MACF1: variants seen among roughly 807,000 people sequenced by gnomAD.
MACF1 encodes microtubule actin crosslinking factor 1.
A neutral mutation model predicts 854.8 loss-of-function variants in MACF1; 193 were observed. The ratio of observed to expected loss-of-function variants is 0.23; its 90% CI spans 0.20 to 0.25. The LOEUF (loss-of-function observed/expected upper bound fraction) is 0.25. Among genes scored for constraint, MACF1 ranks in the 10% least tolerant of loss-of-function variants. The pLI is 1.00. For missense variants in MACF1, 7,722 were observed against 8,929.1 expected (o/e 0.86, Z 5.45); for synonymous variants, 3,185 against 3,226.7 (o/e 0.99, Z 0.44).
intron 6 of MACF1, among the ~76,000 whole-genome samples, chr1:39,265,772 A>T (rs1304715864): frequency 6.6e-6 from 1 of 152,216 alleles, no homozygotes; most frequent in East Asian, 1.9e-4. Context: ...GACCATCTAT[A>T]TCTTAGGATC....
intron 2 of MACF1, among the ~76,000 whole-genome samples, chr1:39,139,527 C>T (rs777806671): frequency 3.9e-5 from 6 of 152,004 alleles, no homozygotes; most frequent in Non-Finnish European, 8.8e-5. Context: ...AAATTTGCCA[C>T]TATTCTTTAT....
At chr1:39,190,901 G>C (rs1346977917) in intron 2 of MACF1, among the ~76,000 whole-genome samples, 1 of 152,124 alleles carries the variant, frequency 6.6e-6, no homozygotes, top group Non-Finnish European at 1.5e-5. Context: ...GCTGAGGCAC[G>C]AGAATCGCTT....
intron 90 of MACF1, 158 bp from the exon 91 acceptor site, chr1:39,458,928 T>G: frequency 1.5e-6 from 1 of 655,724 alleles, no homozygotes; most frequent in South Asian, 2.1e-5. Context: ...ACTTTTGGAA[T>G]TAGTACACCT....
intron 3 of MACF1, 48 bp from the exon 4 acceptor site, chr1:39,251,798 G>C: frequency 9.2e-7 from 1 of 1,085,384 alleles, no homozygotes; most frequent in Non-Finnish European, 1.2e-6. Context: ...TTTTTATTGT[G>C]AATTTCTTGT....
In MACF1 at chr1:39,460,910, C is replaced by T; in HGVS notation, c.21523+116C>T. ...AAGCTGGCCAGGAGCTTGGCTCACA[C>T]CTGTAATTCCAGCACTTTGGGAGGC... is the stretch of plus-strand genomic sequence containing the variant. On this transcript the variant is annotated intron_variant, in intron 92 of 100. Coordinates refer to ENST00000564288, the MANE Select transcript of MACF1 (RefSeq NM_001394062.1). This position sits in a 1 kb window ranked among gnomAD's most constrained non-coding sequence, Gnocchi z 4.1. 8.4e-7 allele frequency: 1 copy of T among 1,191,218 alleles called. No individual in the cohort carries two copies. Among genetic ancestry groups the T allele is most frequent in the Non-Finnish European group, 1.2e-6 (1 of 828,878 alleles). The allele number at this position is 1,191,218 out of a possible 1,614,324, so 73.8% of individuals were successfully genotyped here. A position where few individuals can be genotyped will look rare whatever the true frequency, so the allele number is the denominator to read the frequency against.
chr1:39,477,094 C>CTTAGTGTGTATATATATATATATAT (rs1557675129), intron 97 of MACF1, among the ~76,000 whole-genome samples: 4 of 78,816 alleles, frequency 5.1e-5, no homozygotes, highest in African/African-American at 2.7e-4. Context: ...TATATATACA[C>CTTAGTGTGTATATATATATATATAT]ACACACACAT....
At chr1:39,444,610 G>A (rs1557658471) in intron 79 of MACF1, 52 bp from the exon 80 acceptor site, 2 of 1,507,258 alleles carry the variant, frequency 1.3e-6, no homozygotes, top group Non-Finnish European at 9.1e-7. Context: ...CTATATGTAG[G>A]TGTCTTCCAG....
At chr1:39,315,392 C>A in intron 26 of MACF1, 121 bp from the exon 27 acceptor site, 1 of 749,600 alleles carries the variant, frequency 1.3e-6, no homozygotes, top group Non-Finnish European at 2.2e-6. Context: ...TTTATTCAAC[C>A]AGCCTCCTAT....
chr1:39,469,961 A>G (rs1283551507), intron 97 of MACF1, among the ~76,000 whole-genome samples: 1 of 152,238 alleles, frequency 6.6e-6, no homozygotes, highest in Non-Finnish European at 1.5e-5. Context: ...TAGAAAACGT[A>G]AATAATTTGC....
In MACF1 at chr1:39,484,521, T is replaced by C. The variant is rs1350359266; in HGVS notation, c.22282-80T>C. 15 of 1,275,240 alleles carry C rather than the reference T, an allele frequency of 1.2e-5. No individual in the cohort carries two copies. The East Asian group carries it at 3.2e-4, about 28-fold the overall frequency. 79.0% of individuals were successfully genotyped at this position (1,275,240 alleles called of 1,614,324 possible). On this transcript the variant is annotated intron_variant, in intron 99 of 100. Coordinates refer to ENST00000564288, the MANE Select transcript of MACF1 (RefSeq NM_001394062.1). The stretch of plus-strand genomic sequence containing the variant: ...TTTCAACTAAGCAAATATAAGGAGG[T>C]GTAAGGAGACCTTTTAAAGTTGAAT...
intron 2 of MACF1, among the ~76,000 whole-genome samples, chr1:39,246,354 C>T (rs981731980): frequency 3.3e-5 from 5 of 152,198 alleles, no homozygotes; most frequent in South Asian, 2.1e-4. Context: ...TTTGTAACTT[C>T]TTTGCTGCCA....
chr1:39,116,386 ATGTGTGTGTGTGTGTGTGCACGTG>A (rs1557463177), intron 2 of MACF1, among the ~76,000 whole-genome samples: 1 of 150,286 alleles, frequency 6.7e-6, no homozygotes, highest in Non-Finnish European at 1.5e-5. Context: ...GTGAGTGTGT[ATGTGTGTGTGTGTGTGTGCACGTG>A]TGTGTGTGTA....
At chr1:39,344,086 G>A (rs1473100849) in intron 40 of MACF1, among the ~76,000 whole-genome samples, 3 of 149,562 alleles carry the variant, frequency 2.0e-5, no homozygotes, top group African/African-American at 7.4e-5. Flanking sequence ...TTGCACTCCA[G>A]CCTGGGCAAC....
intron 2 of MACF1, among the ~76,000 whole-genome samples, chr1:39,147,364 C>T (rs1242728413): frequency 1.4e-5 from 2 of 145,682 alleles, no homozygotes; most frequent in African/African-American, 5.1e-5. Flanking sequence ...TTTTCCTTCT[C>T]TTTTCTCTTT....
chr1:39,311,684 A>G (rs2148437224), intron 26 of MACF1, among the ~76,000 whole-genome samples: 1 of 152,358 alleles, frequency 6.6e-6, no homozygotes, highest in African/African-American at 2.4e-5. Context: ...GTGAAAGGAA[A>G]ATAAAAAGTC....
chr1:39,448,201 G>A, intron 83 of MACF1, 49 bp downstream of exon 83: 2 of 1,548,432 alleles, frequency 1.3e-6, no homozygotes, highest in Non-Finnish European at 1.7e-6. Flanking sequence ...ATTCGCTAAA[G>A]CTTGTATCTT....
chr1:39,316,565 A>G, intron 28 of MACF1, 36 bp downstream of exon 28: 1 of 1,589,920 alleles, frequency 6.3e-7, no homozygotes. Context: ...GGTTGACCTA[A>G]CATATTCATT....
rs1288893249 is a variant in MACF1 at position 39,340,830 on chromosome 1, G to A, written c.10458G>A (p.Gln3486=). 2 of 1,613,750 alleles carry A rather than the reference G, an allele frequency of 1.2e-6. No homozygotes were observed. The highest frequency in any genetic ancestry group is 3.3e-5 in the Admixed American group (2 of 59,926). The change falls in exon 40 of 101, where the codon CAG becomes CAA. Residue 3486 remains glutamine (Q), a synonymous_variant. Transcript: ENST00000564288. ...EKTKVLNQHT[Q]LEGRLQDLRA... is the part of the protein sequence containing the mutation. The stretch of plus-strand genomic sequence containing the variant: ...CTAAAGTGTTAAATCAGCACACACA[G>A]CTAGAAGGCCGACTTCAAGATCTGA...
In MACF1 at chr1:39,310,333, C is replaced by G; in HGVS notation, c.3005C>G (p.Ser1002Cys). 6.2e-7 allele frequency: 1 copy of G among 1,614,174 alleles called. No individual in the cohort carries two copies. Among genetic ancestry groups the G allele is most frequent in the Non-Finnish European group, 8.5e-7 (1 of 1,180,028 alleles). Residue 1002 changes from serine (S) to cysteine (C), a missense_variant, in exon 25 of 101, where the codon TCT (serine) becomes TGT (cysteine). Coordinates refer to ENST00000564288, the MANE Select transcript of MACF1 (RefSeq NM_001394062.1). Reference sequence around the variant, plus strand: ...GACTTTCTGCAGGATAGTCGTGACTCTGTGCTGTTCTCAGTGGCTGATCGC... The same window carrying G: ...GACTTTCTGCAGGATAGTCGTGACTGTGTGCTGTTCTCAGTGGCTGATCGC... ...YEDFLQDSRD[S>C]VLFSVADRLR...
Sources: gnomAD v4.1 joint callset for allele counts (sites outside exome capture counted in the v4.1 genomes callset) on GRCh38, gnomAD v4.1.1 for gene constraint, Gnocchi (gnomAD v3.1) non-coding constraint, MANE v1.5 for transcripts, NCBI Gene and HGNC (gene_info 2026-07-23, HGNC 2026-07-21) for gene names.